The following UIMC1 variants were observed in gnomAD, a reference collection of about 807,000 sequenced individuals.
UIMC1 encodes the protein ubiquitin interaction motif containing 1.
Under a neutral mutation model 84.9 loss-of-function variants are expected in UIMC1, and 42 were observed. That is an observed-to-expected ratio of 0.49 (90% CI 0.39 to 0.64). The LOEUF (loss-of-function observed/expected upper bound fraction) is 0.64. Among genes scored for constraint, UIMC1 ranks in the 30% least tolerant of loss-of-function variants. UIMC1 has a pLI of 0.00. For missense variants in UIMC1, 825 were observed against 847.6 expected, an observed-to-expected ratio of 0.97 and a Z score of 0.33; for synonymous variants, 281 against 293.0, an observed-to-expected ratio of 0.96 and a Z score of 0.42.
chr5:176,958,050 G>C, intron 7 of UIMC1, 43 bp downstream of exon 7: 3 of 1,591,742 alleles, frequency 1.9e-6, no homozygotes, highest in Non-Finnish European at 8.6e-7. Flanking sequence ...CCTTATGCTG[G>C]CAACCATCAG....
At chr5:176,985,003 T>C (rs389007) in intron 1 of UIMC1, among the ~76,000 whole-genome samples, 87,627 of 151,848 alleles carry the variant, frequency 0.58, 27,010 homozygotes, top group African/African-American at 0.81. Context: ...CCTTTGTTCA[T>C]GTGTTTATCT....
chr5:176,925,054 A>G (rs960735386), intron 10 of UIMC1, among the ~76,000 whole-genome samples: 1 of 151,946 alleles, frequency 6.6e-6, no homozygotes, highest in Non-Finnish European at 1.5e-5. Context: ...AAAAGAAAGC[A>G]AAAGAAAATG....
chr5:176,953,489 GACACATACACACACACACACAC>G (rs1766164281), intron 8 of UIMC1, among the ~76,000 whole-genome samples: 1 of 82,636 alleles, frequency 1.2e-5, no homozygotes, highest in African/African-American at 1.1e-4. Flanking sequence ...TTGAAAACTG[GACACATACACACACACACACAC>G]ACACACACAC....
intron 9 of UIMC1, among the ~76,000 whole-genome samples, chr5:176,944,126 C>A (rs761704996): frequency 5.3e-5 from 8 of 152,184 alleles, no homozygotes; most frequent in African/African-American, 9.7e-5. Flanking sequence ...CAAAAGAGCT[C>A]TAAGCCAAAA....
intron 10 of UIMC1, among the ~76,000 whole-genome samples, chr5:176,942,500 T>C (rs1764554432): frequency 6.6e-6 from 1 of 151,580 alleles, no homozygotes; most frequent in African/African-American, 2.4e-5. Flanking sequence ...CCCAACACTT[T>C]GGGAGGCCGA....
At chr5:176,942,578 T>TA (rs200596850) in intron 10 of UIMC1, among the ~76,000 whole-genome samples, 19,864 of 145,928 alleles carry the variant, frequency 0.14, 1,603 homozygotes, top group East Asian at 0.2. Flanking sequence ...CCATCTCTAC[T>TA]AAAAAAAAAA....
At chr5:176,972,394 C>A (rs1371663935) in intron 3 of UIMC1, among the ~76,000 whole-genome samples, 13 of 149,902 alleles carry the variant, frequency 8.7e-5, no homozygotes, top group African/African-American at 2.9e-4. Flanking sequence ...GAGTGAGACT[C>A]CGTCTCAAAA....
At position 176,964,054 on chromosome 5, in the gene UIMC1, T is replaced by C. The variant is rs186115308; in HGVS notation, c.1200+4501A>G. ...TTCTAAAGCTTTAATAACCTTAATATAGACTAAGTTATGTGCCCCAAAGTG... is the reference window on the plus strand; with the variant it reads ...TTCTAAAGCTTTAATAACCTTAATACAGACTAAGTTATGTGCCCCAAAGTG... On this transcript the variant is annotated intron_variant, in intron 6 of 14. Transcript: ENST00000511320. Among the ~76,000 whole-genome samples, 10 of 152,326 alleles carry C rather than the reference T, an allele frequency of 6.6e-5. No individual in the cohort carries two copies. In the East Asian group the frequency reaches 1.3e-3, roughly 21 times the overall value.
intron 10 of UIMC1, among the ~76,000 whole-genome samples, chr5:176,934,259 CAT>C (rs1156780351): frequency 2.6e-5 from 4 of 152,004 alleles, no homozygotes; most frequent in Non-Finnish European, 5.9e-5. Context: ...TAGAAAAAGA[CAT>C]ATAAACACTT....
At chr5:176,986,359 CAAAAAAAAAAA>C (rs71583560) in intron 1 of UIMC1, among the ~76,000 whole-genome samples, 14 of 28,004 alleles carry the variant, frequency 5.0e-4, no homozygotes, top group East Asian at 1.9e-3. Context: ...GACTTCATCT[CAAAAAAAAAAA>C]AAAAAAAAAA....
chr5:176,995,136 T>C (rs1773418234), intron 1 of UIMC1, among the ~76,000 whole-genome samples: 1 of 152,104 alleles, frequency 6.6e-6, no homozygotes, highest in African/African-American at 2.4e-5. Flanking sequence ...TCCACTACTA[T>C]TAATTACTCA....
chr5:176,943,435 G>C lies in UIMC1; in HGVS notation c.1497C>G (p.Ser499=), dbSNP rs779277202. The change falls in exon 10 of 15, where the codon TCC becomes TCG. Residue 499 remains serine (S), a synonymous_variant. Transcript: ENST00000511320. ...EKEVAISTFS[S]SNQVSCPLCD... ...ATAGCGGGCAGGATACCTGGTTACT[G>C]GATGAGAAGGTAGAAATAGCTACTT... The C allele has an allele frequency of 3.1e-6, 5 of 1,614,130 alleles. No individual in the cohort carries two copies. The highest frequency in any genetic ancestry group is 3.4e-6 in the Non-Finnish European group (4 of 1,180,010).
intron 10 of UIMC1, among the ~76,000 whole-genome samples, chr5:176,929,633 T>C (rs1762842717): frequency 6.6e-6 from 1 of 152,108 alleles, no homozygotes; most frequent in Non-Finnish European, 1.5e-5. Flanking sequence ...AGAATACATA[T>C]GAAACAACAG....
At chr5:176,972,106 T>C (rs556500152) in intron 3 of UIMC1, among the ~76,000 whole-genome samples, 2 of 151,558 alleles carry the variant, frequency 1.3e-5, no homozygotes, top group South Asian at 2.1e-4. Flanking sequence ...CTCCTCTTTA[T>C]AGAATTATTA....
intron 9 of UIMC1, among the ~76,000 whole-genome samples, chr5:176,950,890 G>A (rs536977599): frequency 6.6e-6 from 1 of 151,594 alleles, no homozygotes; most frequent in African/African-American, 2.4e-5. Context: ...AAAAGAAAAG[G>A]AAAAATATAC....
At chr5:177,011,803 ATT>A (rs1173625143) in intron 1 of UIMC1, among the ~76,000 whole-genome samples, 5 of 143,718 alleles carry the variant, frequency 3.5e-5, no homozygotes, top group Admixed American at 7.0e-5. Context: ...TGAAGATTTA[ATT>A]TTTTTTTTTT....
chr5:176,973,772 A>T (rs956691479), intron 3 of UIMC1, among the ~76,000 whole-genome samples: 3 of 152,014 alleles, frequency 2.0e-5, no homozygotes, highest in Admixed American at 1.3e-4. Context: ...ATGTGGTGGT[A>T]TACACCTGTG....
At chr5:176,925,571 A>G (rs1762290920) in intron 10 of UIMC1, among the ~76,000 whole-genome samples, 1 of 152,216 alleles carries the variant, frequency 6.6e-6, no homozygotes, top group Admixed American at 6.5e-5. Context: ...AGAACTGTAT[A>G]AAGAAACTGG....
chr5:176,930,533 C>T (rs941600818), intron 10 of UIMC1, among the ~76,000 whole-genome samples: 1 of 152,138 alleles, frequency 6.6e-6, no homozygotes, highest in African/African-American at 2.4e-5. Flanking sequence ...AGGATTAGAA[C>T]AATATACAAA....
Sources: gnomAD v4.1 joint callset for allele counts (sites outside exome capture counted in the v4.1 genomes callset) on GRCh38, gnomAD v4.1.1 for gene constraint, MANE v1.5 for transcripts, NCBI Gene and HGNC (gene_info 2026-07-23, HGNC 2026-07-21) for gene names.